Variants in ATAD3B observed in about 807,000 individuals in gnomAD.
ATAD3B encodes ATPase family AAA domain-containing protein 3B.
ATAD3B carries 59 observed loss-of-function variants against 70.2 expected under a neutral mutation model. The observed-to-expected ratio is 0.84, with a 90% CI of 0.68 to 1.04. The LOEUF is 1.04. ATAD3B is among the 50% of genes least tolerant of loss of function. The pLI, the probability that ATAD3B is intolerant of heterozygous loss-of-function variation, is 0.00. For missense variants in ATAD3B, 961 were observed against 913.4 expected (o/e 1.05, Z -0.67); for synonymous variants, 423 against 388.6 (o/e 1.09, Z -1.04).
At chr1:1,474,330 A>G (rs1383812628) in intron 1 of ATAD3B, among the ~76,000 whole-genome samples, 1 of 149,972 alleles carries the variant, frequency 6.7e-6, no homozygotes, top group African/African-American at 2.5e-5. Context: ...AGCTGGGACT[A>G]CAAGTGCCCG....
chr1:1,495,921 AG>A lies in ATAD3B; in HGVS notation c.*105del. The stretch of plus-strand genomic sequence containing the variant: ...GGGGGAGGGTGAGGCTTTGTACCCC[AG>A]CCCCTGCCCAGGCCACTGTGAGGGT... On this transcript the variant is annotated 3_prime_UTR_variant, in exon 16 of 16. Coordinates refer to ENST00000673477, the MANE Select transcript of ATAD3B (RefSeq NM_031921.6). 1 of 1,433,360 alleles carries A rather than the reference AG, an allele frequency of 7.0e-7. No individual in the cohort carries two copies. The highest frequency in any genetic ancestry group is 9.1e-7 in the Non-Finnish European group (1 of 1,097,064). The allele number at this position is 1,433,360 out of a possible 1,614,324, so 88.8% of individuals were successfully genotyped here.
chr1:1,476,768 A>G (rs1224594168), intron 1 of ATAD3B, among the ~76,000 whole-genome samples: 1 of 151,812 alleles, frequency 6.6e-6, no homozygotes, highest in Non-Finnish European at 1.5e-5. Flanking sequence ...TCAGCCTCCC[A>G]AAGTGCTGGG....
At chr1:1,507,042 C>T in the ATAD3B span, among the ~76,000 whole-genome samples, 3 of 152,320 alleles carry the variant, frequency 2.0e-5, no homozygotes, top group East Asian at 3.9e-4. Flanking sequence ...CCGCTTCAGC[C>T]TCCCAAAGTG....
chr1:1,495,698 C>G lies in ATAD3B; in HGVS notation c.1828C>G (p.Pro610Ala). 1 of 1,613,266 alleles carries G rather than the reference C, an allele frequency of 6.2e-7. No individual in the cohort carries two copies. Among genetic ancestry groups the G allele is most frequent in the Non-Finnish European group, 8.5e-7 (1 of 1,179,518 alleles). Reference protein sequence around the residue: ...TDPSYPCLAGPCTFRICSWMG... With the variant: ...TDPSYPCLAGACTFRICSWMG... ...CCCCTCCTACCCCTGCCTTGCCGGC[C>G]CCTGCACATTTAGGATATGCTCCTG... The change falls in exon 16 of 16, where the codon CCC (proline) becomes GCC (alanine). Residue 610 changes from proline (P) to alanine (A), a missense_variant. Around this residue, in one of 4 missense-constraint regions of ATAD3B, gnomAD observed 417 missense variants for 335.0 expected, o/e 1.24. Transcript: ENST00000673477.
At position 1,489,254 on chromosome 1, in the gene ATAD3B, C is replaced by T. The variant is rs1158954784; in HGVS notation, c.1317C>T (p.His439=). The T allele has an allele frequency of 6.2e-7, 1 of 1,613,618 alleles. No homozygotes were observed. Among genetic ancestry groups the T allele is most frequent in the Admixed American group, 1.7e-5 (1 of 59,990 alleles). ...LRATLNAFLY[H]MGQHSNKFML... is the part of the protein sequence containing the mutation. ...CCACACTGAACGCCTTCCTGTACCA[C>T]ATGGGCCAACACAGCAACAAGTGAG... Residue 439 remains histidine, a synonymous_variant, in exon 13 of 16, where the codon CAC becomes CAT. Transcript: ENST00000673477.
At chr1:1,486,318 G>C (rs1186671352) in intron 10 of ATAD3B, 83 bp downstream of exon 10, 34 of 1,605,940 alleles carry the variant, frequency 2.1e-5, no homozygotes, top group Non-Finnish European at 2.9e-5. Context: ...TCAGCCGCCT[G>C]GGGAATGGAC....
At chr1:1,504,552 A>G in the ATAD3B span, among the ~76,000 whole-genome samples, 8 of 151,974 alleles carry the variant, frequency 5.3e-5, no homozygotes, top group Non-Finnish European at 1.0e-4. Context: ...CAGGAGGCTG[A>G]GGCAGGAGAA....
intron 8 of ATAD3B, 149 bp downstream of exon 8, chr1:1,485,320 C>T: frequency 7.4e-7 from 1 of 1,344,242 alleles, no homozygotes; most frequent in Non-Finnish European, 1.0e-6. Flanking sequence ...GTTTTCCTGT[C>T]TGGCGCTGTA....
intron 7 of ATAD3B, among the ~76,000 whole-genome samples, chr1:1,483,257 T>C (rs1640021172): frequency 6.6e-6 from 1 of 151,734 alleles, no homozygotes; most frequent in Admixed American, 6.6e-5. Context: ...ATCCCGCCAC[T>C]GCACCCCAAG....
At chr1:1,473,925 G>C (rs1433965751) in intron 1 of ATAD3B, among the ~76,000 whole-genome samples, 1 of 152,042 alleles carries the variant, frequency 6.6e-6, no homozygotes, top group Admixed American at 6.6e-5. Context: ...CCTTCCCCGG[G>C]GTGCTGGGGA....
rs773865999 is a variant in ATAD3B, at chr1:1,495,771, G to A, written c.1901G>A (p.Cys634Tyr). Residue 634 changes from cysteine to tyrosine, a missense_variant, in exon 16 of 16, where the codon TGT becomes TAT. Coordinates refer to ENST00000673477, the MANE Select transcript of ATAD3B (RefSeq NM_031921.6). ...CPGPLSPRMS[C>Y]GGGRPFCPPG... ...GGGCCTCTGTCCCCCAGGATGTCTTGTGGTGGCGGTCGGCCGTTCTGCCCC... is the reference window on the plus strand; with the variant it reads ...GGGCCTCTGTCCCCCAGGATGTCTTATGGTGGCGGTCGGCCGTTCTGCCCC... The A allele has an allele frequency of 6.2e-7, 1 of 1,606,922 alleles. No individual in the cohort carries two copies. The highest frequency in any genetic ancestry group is 8.5e-7 in the Non-Finnish European group (1 of 1,176,070).
intron 7 of ATAD3B, chr1:1,483,335 C>T (rs985286322): frequency 2.4e-5 from 6 of 250,314 alleles, no homozygotes; most frequent in African/African-American, 9.5e-5. Flanking sequence ...GCCAAGGTGG[C>T]GTGCGCCTGG....
At chr1:1,485,638 G>A (rs1640166894) in intron 8 of ATAD3B, 144 bp from the exon 9 acceptor site, 5 of 1,348,522 alleles carry the variant, frequency 3.7e-6, no homozygotes, top group African/African-American at 1.5e-5. Context: ...TCTCCCGGCG[G>A]GGCAGGGTTC....
chr1:1,473,241 A>T (rs1021411144), intron 1 of ATAD3B, among the ~76,000 whole-genome samples: 3 of 131,514 alleles, frequency 2.3e-5, no homozygotes, highest in Non-Finnish European at 4.7e-5. Context: ...CCGTGTTCAC[A>T]CCATTCTCCT....
At chr1:1,495,454 G>C in intron 15 of ATAD3B, 31 bp from the exon 16 acceptor site, 5 of 1,567,698 alleles carry the variant, frequency 3.2e-6, no homozygotes, top group Non-Finnish European at 4.3e-6. Flanking sequence ...TTCCCATAGC[G>C]GCCTCCCTCA....
chr1:1,504,591 G>A, the ATAD3B span, among the ~76,000 whole-genome samples: 4 of 151,820 alleles, frequency 2.6e-5, no homozygotes, highest in East Asian at 3.9e-4. Flanking sequence ...CGGAGGTTGC[G>A]GTGAGCCGAG....
chr1:1,509,232 G>A, the ATAD3B span: 11 of 1,612,900 alleles, frequency 6.8e-6, no homozygotes, highest in Non-Finnish European at 9.3e-6. Context: ...CGAGGACGGG[G>A]TCCTGACCGA....
intron 1 of ATAD3B, among the ~76,000 whole-genome samples, chr1:1,474,603 G>A (rs1310418384): frequency 6.8e-6 from 1 of 146,064 alleles, no homozygotes; most frequent in Non-Finnish European, 1.5e-5. Context: ...GGGTTCAAGC[G>A]ATTCTCCTGC....
intron 9 of ATAD3B, 90 bp from the exon 10 acceptor site, chr1:1,486,020 G>C: frequency 6.2e-7 from 1 of 1,600,874 alleles, no homozygotes; most frequent in Non-Finnish European, 8.5e-7. Flanking sequence ...CTGAGGAGCA[G>C]AGTCCGCACC....
Sources: allele counts gnomAD v4.1 joint callset (sites outside exome capture counted in the v4.1 genomes callset), GRCh38; gene constraint gnomAD v4.1.1; regional missense constraint gnomAD v4.1.1; transcripts MANE v1.5; gene names NCBI Gene and HGNC (gene_info 2026-07-23, HGNC 2026-07-21).